TMEM260: variants seen among roughly 807,000 people sequenced by gnomAD.
The protein encoded by TMEM260 is protein O-mannosyl-transferase TMEM260.
In TMEM260, 82 loss-of-function variants were observed where a neutral mutation model predicts 88.9. The observed-to-expected ratio is 0.92, with a 90% confidence interval of 0.77 to 1.11. The LOEUF is 1.11. TMEM260 is among the 50% of genes least tolerant of loss of function. TMEM260 has a pLI of 0.00. For missense variants in TMEM260, 902 were observed against 853.4 expected (o/e 1.06, Z -0.71); for synonymous variants, 314 against 309.3 (o/e 1.02, Z -0.16).
At chr14:56,630,584 C>G (rs915366438) in intron 12 of TMEM260, among the ~76,000 whole-genome samples, 1 of 151,922 alleles carries the variant, frequency 6.6e-6, no homozygotes, top group Non-Finnish European at 1.5e-5. Context: ...TCCATCTTTC[C>G]TTTTGTTTCT....
At chr14:56,636,628 A>T (rs759798663) in intron 15 of TMEM260, 30 bp downstream of exon 15, 4 of 1,584,934 alleles carry the variant, frequency 2.5e-6, no homozygotes, top group Non-Finnish European at 2.6e-6. Context: ...GTAGATATAG[A>T]TATATTTGGT....
intron 8 of TMEM260, 168 bp downstream of exon 8, chr14:56,616,195 C>A: frequency 1.9e-6 from 1 of 518,832 alleles, no homozygotes. Flanking sequence ...TATTCTGATT[C>A]TAAATAAATC....
chr14:56,589,932 G>A (rs1885747090), intron 3 of TMEM260, among the ~76,000 whole-genome samples: 1 of 152,090 alleles, frequency 6.6e-6, no homozygotes, highest in Non-Finnish European at 1.5e-5. Context: ...GGGACATTTG[G>A]ATTTTCCAGC....
downstream of TMEM260, chr14:56,650,129 TGAG>T (rs990754768): frequency 1.8e-5 from 8 of 455,230 alleles, no homozygotes; most frequent in South Asian, 1.1e-4. Flanking sequence ...CCCCCGACAT[TGAG>T]GAGACTGTAA....
rs1594798832 is a variant in TMEM260, at chr14:56,579,991, T to G, written c.77T>G (p.Ile26Ser). The change falls in exon 1 of 16, where the codon ATC (isoleucine) becomes AGC (serine). Residue 26 changes from isoleucine (I) to serine (S), a missense_variant. By Grantham distance (142) the Ile-to-Ser change is moderately radical. Coordinates refer to ENST00000261556, the MANE Select transcript of TMEM260 (RefSeq NM_017799.4). The part of the protein sequence containing the change: ...VRVGLRRSGG[I>S]RGGVAVFAAV... ...GTGGGGCTGCGGCGCTCCGGGGGCA[T>G]CCGCGGCGGCGTGGCGGTGTTCGCC... 6.4e-6 allele frequency: 8 copies of G among 1,246,084 alleles called. No homozygotes were observed. In the East Asian group the frequency reaches 2.5e-4, roughly 39 times the overall value. The allele number at this position is 1,246,084 out of a possible 1,614,324, so 77.2% of individuals were successfully genotyped here.
At chr14:56,640,818 GA>G (rs201357562) in intron 15 of TMEM260, among the ~76,000 whole-genome samples, 5,638 of 152,294 alleles carry the variant, frequency 0.037, 163 homozygotes, top group East Asian at 0.15. Flanking sequence ...TGATGGAGCT[GA>G]AAACCACAGC....
chr14:56,603,918 A>G lies in TMEM260; in HGVS notation c.448A>G (p.Asn150Asp), dbSNP rs879232964. The change falls in exon 4 of 16, where the codon AAT becomes GAT. Residue 150 changes from asparagine to aspartate, a missense_variant. Physicochemically the swap from Asn to Asp is conservative, Grantham distance 23. Transcript: ENST00000261556. ...SIAAEVFSLN[N>D]LFVGLLMALT... The stretch of plus-strand genomic sequence containing the variant: ...TGCAGCAGAGGTTTTTAGCTTAAAC[A>G]ATCTCTTTGTGGGGCTGCTTATGGC... 8 of 1,613,554 alleles carry G rather than the reference A, an allele frequency of 5.0e-6. No individual in the cohort carries two copies. Among genetic ancestry groups the G allele is most frequent in the Non-Finnish European group, 5.9e-6 (7 of 1,179,786 alleles).
downstream of TMEM260, among the ~76,000 whole-genome samples, chr14:56,652,730 C>T (rs1367143036): frequency 4.6e-5 from 7 of 152,258 alleles, no homozygotes; most frequent in African/African-American, 7.2e-5. Context: ...AGAGAATACT[C>T]GTACTTAGTG....
intron 6 of TMEM260, among the ~76,000 whole-genome samples, chr14:56,610,131 A>C (rs145547073): frequency 1.4e-4 from 22 of 152,206 alleles, no homozygotes; most frequent in Non-Finnish European, 2.4e-4. Flanking sequence ...AATTCAAGGT[A>C]GTAGTTACTA....
chr14:56,610,297 G>A (rs556067555), intron 6 of TMEM260, among the ~76,000 whole-genome samples: 2 of 152,170 alleles, frequency 1.3e-5, no homozygotes, highest in African/African-American at 4.8e-5. Context: ...TTGGAGTGCA[G>A]TGGCGCGATC....
the TMEM260 span, among the ~76,000 whole-genome samples, chr14:56,662,720 CAT>C: frequency 2.6e-5 from 4 of 152,374 alleles, no homozygotes; most frequent in East Asian, 7.7e-4. Flanking sequence ...CTGAATCCCA[CAT>C]GAGTGTATCT....
downstream of TMEM260, among the ~76,000 whole-genome samples, chr14:56,650,787 G>A (rs1235858204): frequency 6.6e-6 from 1 of 152,006 alleles, no homozygotes; most frequent in African/African-American, 2.4e-5. Context: ...GTGAAATATT[G>A]TGAATCTTTC....
At chr14:56,594,080 T>C (rs977769608) in intron 3 of TMEM260, among the ~76,000 whole-genome samples, 2 of 152,232 alleles carry the variant, frequency 1.3e-5, no homozygotes, top group Non-Finnish European at 2.9e-5. Context: ...TGACCTAATA[T>C]GATTTTTATC....
At chr14:56,632,112 A>AGAT (rs1242409284) in intron 12 of TMEM260, among the ~76,000 whole-genome samples, 1 of 152,176 alleles carries the variant, frequency 6.6e-6, no homozygotes, top group Non-Finnish European at 1.5e-5. Context: ...CTCAGCTCAG[A>AGAT]GATAAGCTGA....
chr14:56,592,056 A>G (rs942049544), intron 3 of TMEM260, among the ~76,000 whole-genome samples: 1 of 152,308 alleles, frequency 6.6e-6, no homozygotes, highest in Non-Finnish European at 1.5e-5. Flanking sequence ...TGAATCAGGA[A>G]TAATACTTTA....
Position 56,605,619 on chromosome 14 carries a change from A to G in TMEM260, c.572A>G (p.His191Arg), listed in dbSNP as rs376685584. 4.8e-5 allele frequency: 76 copies of G among 1,589,344 alleles called. No individual in the cohort carries two copies. The highest frequency in any genetic ancestry group is 1.6e-4 in the Admixed American group (9 of 56,742). ...FCCGLSLCNQHTIILYVLCII... is the reference protein window; with the variant it reads ...FCCGLSLCNQRTIILYVLCII... Reference sequence around the variant, plus strand: ...TGTGGCCTTAGTTTATGTAACCAGCACACAATAATACTCTATGTTTTGTGC... The same window carrying G: ...TGTGGCCTTAGTTTATGTAACCAGCGCACAATAATACTCTATGTTTTGTGC... Residue 191 changes from histidine (H) to arginine (R), a missense_variant, in exon 5 of 16, where the codon CAC (histidine) becomes CGC (arginine). Transcript: ENST00000261556.
At chr14:56,580,377 C>T (rs1337303175) in intron 1 of TMEM260, among the ~76,000 whole-genome samples, 1 of 152,214 alleles carries the variant, frequency 6.6e-6, no homozygotes, top group South Asian at 2.1e-4. Flanking sequence ...TACTTTCAGT[C>T]TTTTTTAGTC....
At chr14:56,659,497 C>G in the TMEM260 span, among the ~76,000 whole-genome samples, 1 of 152,188 alleles carries the variant, frequency 6.6e-6, no homozygotes, top group Non-Finnish European at 1.5e-5. Context: ...TGAGCCTCTT[C>G]CTAGTAGCTG....
intron 12 of TMEM260, among the ~76,000 whole-genome samples, chr14:56,629,435 G>T (rs1377068045): frequency 6.6e-6 from 1 of 151,720 alleles, no homozygotes; most frequent in Admixed American, 6.6e-5. Context: ...GTCAGATAGG[G>T]TCGTTTTTAT....
Sources: gnomAD v4.1 joint callset for allele counts (sites outside exome capture counted in the v4.1 genomes callset) on GRCh38, gnomAD v4.1.1 for gene constraint, MANE v1.5 for transcripts, NCBI Gene and HGNC (gene_info 2026-07-23, HGNC 2026-07-21) for gene names.